HHAT: variants seen among roughly 807,000 people sequenced by gnomAD.
HHAT encodes hedgehog acyltransferase.
A neutral mutation model predicts 70.8 loss-of-function variants in HHAT; 47 were observed. The ratio of observed to expected loss-of-function variants is 0.66; its 90% CI spans 0.53 to 0.85. The LOEUF is 0.85. Among genes scored for constraint, HHAT ranks in the 40% least tolerant of loss-of-function variants. HHAT has a pLI of 0.00. For missense variants in HHAT, 609 were observed against 604.8 expected, an observed-to-expected ratio of 1.01 and a Z score of -0.07; for synonymous variants, 228 against 247.6, an observed-to-expected ratio of 0.92 and a Z score of 0.74.
intron 10 of HHAT, among the ~76,000 whole-genome samples, chr1:210,597,135 A>G (rs1013778106): frequency 1.3e-5 from 2 of 152,210 alleles, no homozygotes; most frequent in Non-Finnish European, 2.9e-5. Flanking sequence ...AATTATCTGG[A>G]TTGTCAGGTA....
At chr1:210,507,791 A>G (rs1315681244) in intron 8 of HHAT, among the ~76,000 whole-genome samples, 3 of 152,222 alleles carry the variant, frequency 2.0e-5, no homozygotes, top group Admixed American at 6.5e-5. Flanking sequence ...GAGGAAATCC[A>G]TACTATACAT....
intron 11 of HHAT, among the ~76,000 whole-genome samples, chr1:210,638,162 C>G (rs1271642843): frequency 6.6e-6 from 1 of 152,146 alleles, no homozygotes; most frequent in East Asian, 1.9e-4. Flanking sequence ...CATAGAGTTA[C>G]TATATGACAT....
chr1:210,503,622 T>G (rs923643816), intron 8 of HHAT, among the ~76,000 whole-genome samples: 7 of 152,218 alleles, frequency 4.6e-5, no homozygotes, highest in African/African-American at 1.7e-4. Flanking sequence ...GTTTGGTGAC[T>G]GTGGTTCCTC....
chr1:210,547,448 T>A (rs2095493259), intron 9 of HHAT, among the ~76,000 whole-genome samples: 1 of 152,204 alleles, frequency 6.6e-6, no homozygotes, highest in Admixed American at 6.5e-5. Flanking sequence ...ATGGTATTAA[T>A]AGAAAATTAC....
chr1:210,469,778 C>T (rs1181167053), intron 8 of HHAT, among the ~76,000 whole-genome samples: 2 of 152,072 alleles, frequency 1.3e-5, no homozygotes, highest in Non-Finnish European at 2.9e-5. Context: ...AGGTGATCCT[C>T]CTGCCTCAGC....
intron 1 of HHAT, among the ~76,000 whole-genome samples, chr1:210,338,692 T>C (rs984627144): frequency 1.3e-5 from 2 of 152,198 alleles, no homozygotes; most frequent in Non-Finnish European, 2.9e-5. Flanking sequence ...CACACAACCA[T>C]GAAGCAGCAA....
At chr1:210,512,459 G>C (rs959666011) in intron 8 of HHAT, among the ~76,000 whole-genome samples, 4 of 151,782 alleles carry the variant, frequency 2.6e-5, no homozygotes, top group African/African-American at 9.7e-5. Flanking sequence ...AGGATTGCTT[G>C]AGCCCATGAG....
intron 10 of HHAT, among the ~76,000 whole-genome samples, chr1:210,594,703 A>G (rs1293413332): frequency 6.6e-6 from 1 of 152,220 alleles, no homozygotes; most frequent in Non-Finnish European, 1.5e-5. Flanking sequence ...TTCAGATTGA[A>G]GAACTGCCGT....
At chr1:210,372,794 T>TG (rs1400803576) in intron 3 of HHAT, among the ~76,000 whole-genome samples, 2 of 151,260 alleles carry the variant, frequency 1.3e-5, no homozygotes, top group Non-Finnish European at 2.9e-5. Flanking sequence ...TTTTTTTTTT[T>TG]TGTGATCCTT....
chr1:210,348,829 T>C (rs2086759707), intron 1 of HHAT, 104 bp from the exon 2 acceptor site: 1 of 1,193,900 alleles, frequency 8.4e-7, no homozygotes, highest in Non-Finnish European at 1.1e-6. Flanking sequence ...TGTATCACCT[T>C]GAATAGTGAT....
chr1:210,588,024 G>A lies in HHAT; in HGVS notation c.1170G>A (p.Ala390=), dbSNP rs567965731. 32 of 1,613,912 alleles carry A rather than the reference G, an allele frequency of 2.0e-5. No individual in the cohort carries two copies. The highest frequency in any genetic ancestry group is 2.7e-5 in the African/African-American group (2 of 75,050). ...GGYDYLWCWA[A]LNWLGVTVEN... ...ACGACTACCTCTGGTGCTGGGCAGC[G>A]CTCAACTGGCTGGGAGTCACTGTGG... The change falls in exon 10 of 12, where the codon GCG becomes GCA. Residue 390 remains alanine, a synonymous_variant. Coordinates refer to ENST00000261458, the MANE Select transcript of HHAT (RefSeq NM_018194.6).
chr1:210,380,868 A>G (rs2090582481), intron 3 of HHAT, among the ~76,000 whole-genome samples: 1 of 152,040 alleles, frequency 6.6e-6, no homozygotes, highest in Non-Finnish European at 1.5e-5. Flanking sequence ...AAGGTTAGGT[A>G]CGACGATGGA....
At chr1:210,542,499 A>G (rs925395686) in intron 9 of HHAT, among the ~76,000 whole-genome samples, 17 of 125,750 alleles carry the variant, frequency 1.4e-4, no homozygotes, top group African/African-American at 4.5e-4. Context: ...AAAAAAAAAT[A>G]TATATATATA....
chr1:210,465,144 A>C (rs1166367053), intron 8 of HHAT, among the ~76,000 whole-genome samples: 1 of 152,220 alleles, frequency 6.6e-6, no homozygotes, highest in Non-Finnish European at 1.5e-5. Flanking sequence ...GTTGTTTTGA[A>C]GATTAAATAA....
intron 1 of HHAT, among the ~76,000 whole-genome samples, chr1:210,339,829 T>C (rs2085846113): frequency 6.6e-6 from 1 of 152,226 alleles, no homozygotes; most frequent in African/African-American, 2.4e-5. Flanking sequence ...TGATGGTTTC[T>C]TATGCAGCAA....
chr1:210,410,697 T>C (rs1371042346), intron 6 of HHAT, among the ~76,000 whole-genome samples: 2 of 151,838 alleles, frequency 1.3e-5, no homozygotes, highest in African/African-American at 4.8e-5. Flanking sequence ...CAGCTAATTT[T>C]GTATTTTTAG....
chr1:210,668,483 T>C (rs1262538085), intron 11 of HHAT, among the ~76,000 whole-genome samples: 1 of 152,214 alleles, frequency 6.6e-6, no homozygotes, highest in Non-Finnish European at 1.5e-5. Flanking sequence ...GATGGTTTTA[T>C]AAAGGGCAGT....
chr1:210,659,088 A>G (rs1233404583), intron 11 of HHAT, among the ~76,000 whole-genome samples: 2 of 152,236 alleles, frequency 1.3e-5, no homozygotes, highest in Non-Finnish European at 2.9e-5. Context: ...AACTAAGATC[A>G]GAGCAGAACT....
At chr1:210,415,819 C>T (rs1048986254) in intron 6 of HHAT, among the ~76,000 whole-genome samples, 1 of 151,980 alleles carries the variant, frequency 6.6e-6, no homozygotes, top group Admixed American at 6.6e-5. Flanking sequence ...CCACCACATT[C>T]AGCTAATTTT....
Sources: gnomAD v4.1 joint callset for allele counts (sites outside exome capture counted in the v4.1 genomes callset) on GRCh38, gnomAD v4.1.1 for gene constraint, MANE v1.5 for transcripts, NCBI Gene and HGNC (gene_info 2026-07-23, HGNC 2026-07-21) for gene names.